The following RALYL variants were observed in gnomAD, a reference collection of about 807,000 sequenced individuals.
RALYL encodes RNA-binding Raly-like protein.
A neutral mutation model predicts 35.1 loss-of-function variants in RALYL; 29 were observed. That is an observed-to-expected ratio of 0.83 (90% CI 0.61 to 1.13). The LOEUF (loss-of-function observed/expected upper bound fraction) is 1.13. Ranked by LOEUF, RALYL falls within the 50% of genes most tolerant of loss-of-function variation. The pLI is 0.00. For missense variants in RALYL, 359 were observed against 360.4 expected, an observed-to-expected ratio of 1.00 and a Z score of 0.03; for synonymous variants, 120 against 127.6, an observed-to-expected ratio of 0.94 and a Z score of 0.40.
At chr8:84,523,806 C>G (rs1360469735) in intron 1 of RALYL, among the ~76,000 whole-genome samples, 1 of 151,758 alleles carries the variant, frequency 6.6e-6, no homozygotes, top group African/African-American at 2.4e-5. Flanking sequence ...GAGAATGATG[C>G]TTTCCAATTT....
chr8:84,554,259 TCA>T (rs1339129107), intron 2 of RALYL, among the ~76,000 whole-genome samples: 1 of 152,218 alleles, frequency 6.6e-6, no homozygotes, highest in Non-Finnish European at 1.5e-5. Flanking sequence ...AATTAGACTA[TCA>T]CACATTTAAA....
chr8:84,773,109 C>A (rs565787569), intron 2 of RALYL, among the ~76,000 whole-genome samples: 10 of 152,060 alleles, frequency 6.6e-5, no homozygotes, highest in African/African-American at 2.4e-4. Flanking sequence ...GACCTGTGCC[C>A]GCTGAACCAC....
chr8:84,779,079 G>A (rs1817508579), intron 3 of RALYL, among the ~76,000 whole-genome samples: 1 of 152,150 alleles, frequency 6.6e-6, no homozygotes, highest in Non-Finnish European at 1.5e-5. Context: ...CATAAATATT[G>A]GACCTGGCCC....
At chr8:84,202,033 T>C (rs1208353451) in intron 1 of RALYL, among the ~76,000 whole-genome samples, 2 of 152,180 alleles carry the variant, frequency 1.3e-5, no homozygotes, top group Non-Finnish European at 2.9e-5. Context: ...ATAATGTACT[T>C]TGTCATGCCC....
chr8:84,816,287 C>T (rs1389797643), intron 4 of RALYL, among the ~76,000 whole-genome samples: 9 of 152,158 alleles, frequency 5.9e-5, no homozygotes, highest in Admixed American at 5.9e-4. Flanking sequence ...CTTGCAGACA[C>T]TGAGCCACTT....
At chr8:84,468,138 T>C (rs2052020919) in intron 1 of RALYL, among the ~76,000 whole-genome samples, 1 of 152,034 alleles carries the variant, frequency 6.6e-6, no homozygotes, top group South Asian at 2.1e-4. Context: ...ATTTAGTGCA[T>C]TTACATTTAA....
intron 1 of RALYL, among the ~76,000 whole-genome samples, chr8:84,405,010 C>T (rs1022675750): frequency 1.3e-5 from 2 of 152,114 alleles, no homozygotes; most frequent in African/African-American, 4.8e-5. Flanking sequence ...TCATAACAAA[C>T]AGACTGTCAG....
intron 1 of RALYL, among the ~76,000 whole-genome samples, chr8:84,206,158 G>GT (rs1818004344): frequency 6.6e-6 from 1 of 152,100 alleles, no homozygotes; most frequent in Non-Finnish European, 1.5e-5. Context: ...CCTTTGTAGG[G>GT]GATACAATTC....
At chr8:84,320,824 A>G (rs1844667910) in intron 1 of RALYL, among the ~76,000 whole-genome samples, 1 of 152,144 alleles carries the variant, frequency 6.6e-6, no homozygotes, top group African/African-American at 2.4e-5. Context: ...TCATGAATCC[A>G]GCCAAGATAG....
intron 2 of RALYL, among the ~76,000 whole-genome samples, chr8:84,559,976 T>G (rs2135566520): frequency 6.7e-6 from 1 of 149,860 alleles, no homozygotes; most frequent in Non-Finnish European, 1.5e-5. Context: ...ATATTAGGTT[T>G]TTTTTTTTTT....
intron 1 of RALYL, among the ~76,000 whole-genome samples, chr8:84,337,022 CTA>C (rs1425476479): frequency 6.7e-6 from 1 of 149,850 alleles, no homozygotes; most frequent in Non-Finnish European, 1.5e-5. Context: ...GTCTGTGTAT[CTA>C]TGTATCTAGT....
intron 2 of RALYL, among the ~76,000 whole-genome samples, chr8:84,718,789 G>T (rs985206566): frequency 1.3e-5 from 2 of 151,770 alleles, no homozygotes; most frequent in African/African-American, 4.8e-5. Context: ...AGAAAGAAAA[G>T]AAAATAAACG....
chr8:84,466,285 T>C (rs2051621913), intron 1 of RALYL, among the ~76,000 whole-genome samples: 2 of 142,884 alleles, frequency 1.4e-5, no homozygotes, highest in African/African-American at 2.7e-5. Context: ...GGGTTTGTCA[T>C]AGATAGCTCT....
chr8:84,829,667 A>C (rs1830463574), intron 4 of RALYL, among the ~76,000 whole-genome samples: 1 of 152,116 alleles, frequency 6.6e-6, no homozygotes, highest in Non-Finnish European at 1.5e-5. Context: ...AAGCACAAAG[A>C]CTTTTAAAAG....
chr8:84,850,795 T>C (rs144901858), intron 5 of RALYL, among the ~76,000 whole-genome samples: 9 of 152,316 alleles, frequency 5.9e-5, no homozygotes, highest in African/African-American at 9.6e-5. Flanking sequence ...CTCTCTAAGG[T>C]TGAATTAGCT....
intron 1 of RALYL, among the ~76,000 whole-genome samples, chr8:84,280,418 C>T (rs376827209): frequency 8.6e-4 from 131 of 152,022 alleles, no homozygotes; most frequent in African/African-American, 3.1e-3. Context: ...ATATATCCAC[C>T]TACTTTCCTA....
At chr8:84,663,338 T>C (rs1831286193) in intron 2 of RALYL, among the ~76,000 whole-genome samples, 2 of 152,280 alleles carry the variant, frequency 1.3e-5, no homozygotes, top group South Asian at 4.1e-4. Flanking sequence ...TATTCCTTTA[T>C]GTATATACCC....
At chr8:84,633,120 T>A (rs1055138940) in intron 2 of RALYL, among the ~76,000 whole-genome samples, 3 of 432 alleles carry the variant, frequency 6.9e-3, no homozygotes, top group Non-Finnish European at 0.01. Context: ...GAATTGAGGT[T>A]TTTTTTTTAA....
chr8:84,704,828 C>T (rs1009546384), intron 2 of RALYL, among the ~76,000 whole-genome samples: 1 of 152,158 alleles, frequency 6.6e-6, no homozygotes, highest in Admixed American at 6.5e-5. Context: ...AAATCCTTTA[C>T]ACTGAAACAA....
Sources: allele counts gnomAD v4.1 joint callset (sites outside exome capture counted in the v4.1 genomes callset), GRCh38; gene constraint gnomAD v4.1.1; transcripts MANE v1.5; gene names NCBI Gene and HGNC (gene_info 2026-07-23, HGNC 2026-07-21).